Variants in HEATR4 observed in about 807,000 individuals in gnomAD.
HEATR4 encodes the protein HEAT repeat containing 4.
In HEATR4, 95 loss-of-function variants were observed where a neutral mutation model predicts 108.8. That is an observed-to-expected ratio of 0.87 (90% CI 0.74 to 1.04). HEATR4 has a LOEUF of 1.04. Ranked by LOEUF, HEATR4 falls within the 50% of genes least tolerant of loss-of-function variation. The probability of loss-of-function intolerance (pLI) is 0.00; values close to 1 mark genes in which losing one functional copy is unlikely to be tolerated. For synonymous variants in HEATR4, 443 were observed against 459.4 expected (o/e 0.96, Z 0.46); for missense variants, 1,152 against 1,253.8 (o/e 0.92, Z 1.23).
At chr14:73,602,188 C>T in the HEATR4 span, among the ~76,000 whole-genome samples, 1 of 152,152 alleles carries the variant, frequency 6.6e-6, no homozygotes, top group African/African-American at 2.4e-5. Flanking sequence ...ATCCGCCCGC[C>T]TCGGCCTCCC....
chr14:73,597,316 C>G, the HEATR4 span, among the ~76,000 whole-genome samples: 1 of 151,428 alleles, frequency 6.6e-6, no homozygotes, highest in African/African-American at 2.4e-5. Context: ...GATCTCCTGA[C>G]CTCGTGATCC....
the HEATR4 span, chr14:73,619,439 T>C: frequency 1.2e-6 from 2 of 1,614,206 alleles, no homozygotes; most frequent in Non-Finnish European, 1.7e-6. Flanking sequence ...AAGTCAGGAT[T>C]TCTCACTTTT....
At position 73,512,081 on chromosome 14, in the gene HEATR4, G is replaced by T. The variant is rs777866454; in HGVS notation, c.1483C>A (p.Arg495=). 1.2e-6 allele frequency: 2 copies of T among 1,614,096 alleles called. No homozygotes were observed. The highest frequency in any genetic ancestry group is 1.7e-6 in the Non-Finnish European group (2 of 1,180,012). The change falls in exon 7 of 18, where the codon CGG becomes AGG. Residue 495 remains arginine, a synonymous_variant. Coordinates refer to ENST00000553558, the MANE Select transcript of HEATR4 (RefSeq NM_001220484.1). The part of the protein sequence containing the change: ...QSLGDLHDDV[R]IKAITTCATA... ...GCACATGTGGTGATAGCTTTGATCC[G>T]AACGTCATCATGCAGGTCTCCCAAG... is the stretch of plus-strand genomic sequence containing the variant.
the HEATR4 span, among the ~76,000 whole-genome samples, chr14:73,629,737 C>T: frequency 0.027 from 4,079 of 151,846 alleles, 84 homozygotes; most frequent in Middle Eastern, 0.075. Flanking sequence ...CTCTGCCTCC[C>T]GGGTTCACGC....
At chr14:73,543,201 C>T in intron 1 of HEATR4, 4 of 1,604,816 alleles carry the variant, frequency 2.5e-6, no homozygotes, top group South Asian at 1.1e-5. Context: ...AAGGGCGAGA[C>T]CCTGCCCCCT....
chr14:73,490,522 C>T (rs1885638924), intron 17 of HEATR4, among the ~76,000 whole-genome samples: 2 of 152,156 alleles, frequency 1.3e-5, no homozygotes, highest in Admixed American at 6.6e-5. Flanking sequence ...GGGGTTTCAC[C>T]GTGTTAGCCA....
At chr14:73,591,019 G>A in the HEATR4 span, among the ~76,000 whole-genome samples, 1 of 152,246 alleles carries the variant, frequency 6.6e-6, no homozygotes, top group Admixed American at 6.5e-5. Context: ...GAGGCAGGAG[G>A]ATAGTTTGTG....
chr14:73,532,058 T>C (rs1888724839), intron 1 of HEATR4, among the ~76,000 whole-genome samples: 1 of 114,156 alleles, frequency 8.8e-6, no homozygotes, highest in South Asian at 2.8e-4. Flanking sequence ...AAAAACCCTC[T>C]AGATGTATGC....
At chr14:73,619,436 G>A in the HEATR4 span, 110 of 1,614,048 alleles carry the variant, frequency 6.8e-5, no homozygotes, top group Non-Finnish European at 8.9e-5. Context: ...ACTAAGTCAG[G>A]ATTTCTCACT....
chr14:73,478,695 G>T lies in HEATR4; in HGVS notation c.2992C>A (p.Pro998Thr), dbSNP rs1885110837. ...IAVGPFRSDYPALYLGKFSER... is the reference protein window; with the variant it reads ...IAVGPFRSDYTALYLGKFSER... ...GAGAATTTACCCAGATAAAGAGCTG[G>T]GTAGTCGGATCTAAATGGTCCCACA... The change falls in exon 18 of 18, where the codon CCA becomes ACA. Residue 998 changes from proline (P) to threonine (T), a missense_variant. Transcript: ENST00000553558. 1.2e-6 allele frequency: 2 copies of T among 1,613,882 alleles called. No homozygotes were observed. The highest frequency in any genetic ancestry group is 1.3e-5 in the African/African-American group (1 of 74,950).
Position 73,551,392 on chromosome 14 carries a change from C to T in HEATR4, c.-152+7359G>A, listed in dbSNP as rs1171689109. 1.1e-4 allele frequency among the ~76,000 whole-genome samples: 13 copies of T among 114,712 alleles called. 4 individuals are homozygous for T. The Admixed American group carries it at 1.3e-3, about 11-fold the overall frequency. 75.3% of individuals were successfully genotyped at this position (114,712 alleles called of 152,430 possible). On this transcript the variant is annotated intron_variant, in intron 1 of 17. Transcript: ENST00000553558. ...ACGTTGCCTCTCTAAACTGAAAATTCGCAGTTGGTGCCAGAGGGCCAGAGT... is the reference window on the plus strand; with the variant it reads ...ACGTTGCCTCTCTAAACTGAAAATTTGCAGTTGGTGCCAGAGGGCCAGAGT...
At chr14:73,485,610 T>C (rs1199524047) in intron 17 of HEATR4, among the ~76,000 whole-genome samples, 1 of 152,174 alleles carries the variant, frequency 6.6e-6, no homozygotes. Context: ...TGGCAGCTCA[T>C]TCCTGTAATC....
the HEATR4 span, among the ~76,000 whole-genome samples, chr14:73,590,461 T>C: frequency 6.6e-6 from 1 of 152,244 alleles, no homozygotes; most frequent in Admixed American, 6.5e-5. Context: ...TGCCTGCCAG[T>C]CCCGCGCCGT....
the HEATR4 span, among the ~76,000 whole-genome samples, chr14:73,609,506 AC>A: frequency 2.6e-5 from 4 of 152,202 alleles, no homozygotes; most frequent in East Asian, 7.7e-4. Context: ...AATTTTTGGT[AC>A]CATATATAGG....
At chr14:73,481,478 C>G (rs1425014397) in intron 17 of HEATR4, among the ~76,000 whole-genome samples, 1 of 151,946 alleles carries the variant, frequency 6.6e-6, no homozygotes, top group Non-Finnish European at 1.5e-5. Context: ...TGAAAGAAGG[C>G]AGCCGGAAAA....
rs770608293 is a variant in HEATR4 at position 73,508,751 on chromosome 14, C to CAAAA, written c.1721-461_1721-458dup. On this transcript the variant is annotated intron_variant, in intron 8 of 17. Transcript: ENST00000553558. ...GGGCAACGAGAGTGAAACTCTGTCTCAAAAAAAAAAAAAAAAAAAAAAAAA... is the reference window on the plus strand; with the variant it reads ...GGGCAACGAGAGTGAAACTCTGTCTCAAAAAAAAAAAAAAAAAAAAAAAAAAAAA... Among the ~76,000 whole-genome samples the CAAAA allele has an allele frequency of 5.3e-3, 308 of 57,840 alleles. 9 individuals carry two copies. The highest frequency in any genetic ancestry group is 0.037 in the East Asian group (64 of 1,720). The allele number at this position is 57,840 out of a possible 152,430, so 37.9% of individuals were successfully genotyped here. A position where few individuals can be genotyped will look rare whatever the true frequency, so the allele number is the denominator to read the frequency against.
At position 73,509,395 on chromosome 14, in the gene HEATR4, C is replaced by T. The variant is rs139023851; in HGVS notation, c.1637G>A (p.Arg546Gln). 16 of 1,613,942 alleles carry T rather than the reference C, an allele frequency of 9.9e-6. No individual in the cohort carries two copies. In the African/African-American group the frequency reaches 1.1e-4, roughly 11 times the overall value. Residue 546 changes from arginine (R) to glutamine (Q), a missense_variant, in exon 8 of 18, where the codon CGG (arginine) becomes CAG (glutamine). Physicochemically the swap from Arg to Gln is conservative, Grantham distance 43 (BLOSUM62 1). Transcript: ENST00000553558. The part of the protein sequence containing the change: ...AALCDKNAHV[R>Q]MAAAICQYAI... ...ATATTGGCATATTGCTGCTGCCATC[C>T]GCACATGGGCATTCTTGTCACAAAG...
the HEATR4 span, among the ~76,000 whole-genome samples, chr14:73,586,696 C>G: frequency 7.2e-6 from 1 of 138,490 alleles, no homozygotes; most frequent in Admixed American, 7.1e-5. Flanking sequence ...CACAGTGACT[C>G]TGTCTGAAAA....
chr14:73,586,325 CAG>C, the HEATR4 span, among the ~76,000 whole-genome samples: 1 of 151,884 alleles, frequency 6.6e-6, no homozygotes, highest in African/African-American at 2.4e-5. Context: ...ACCCCGGAGG[CAG>C]AGTTTGCCGT....
Sources: allele counts gnomAD v4.1 joint callset (sites outside exome capture counted in the v4.1 genomes callset), GRCh38; gene constraint gnomAD v4.1.1; transcripts MANE v1.5; gene names NCBI Gene and HGNC (gene_info 2026-07-23, HGNC 2026-07-21).